The following CEP128 variants were observed in gnomAD, a reference collection of about 807,000 sequenced individuals.
CEP128 encodes the protein centrosomal protein 128, also known as centrosomal protein 128kDa.
CEP128 carries 132 observed loss-of-function variants against 156.7 expected under a neutral mutation model. That is an observed-to-expected ratio of 0.84 (90% CI 0.73 to 0.97). The LOEUF (loss-of-function observed/expected upper bound fraction) is 0.97, where lower values mean the gene tolerates loss of function less well. Ranked by LOEUF, CEP128 falls within the 50% of genes least tolerant of loss-of-function variation. The pLI, the probability that CEP128 is intolerant of heterozygous loss-of-function variation, is 0.00. For synonymous variants in CEP128, 469 were observed against 448.9 expected (o/e 1.04, Z -0.57); for missense variants, 1,252 against 1,281.9 (o/e 0.98, Z 0.36).
rs1893206370 is a variant in CEP128 at position 80,616,252 on chromosome 14, A to T, written c.2807-35829T>A. Among the ~76,000 whole-genome samples the T allele has an allele frequency of 2.0e-5, 3 of 152,252 alleles. No homozygotes were observed. The South Asian group carries it at 6.2e-4, about 31-fold the overall frequency. On this transcript the variant is annotated intron_variant, in intron 19 of 24. Coordinates refer to ENST00000555265, the MANE Select transcript of CEP128 (RefSeq NM_152446.5). Reference sequence around the variant, plus strand: ...ATAATACAAAGGAAAGATCCTTAAGAGGAATCATCATAGTGACAATGACAA... The same window carrying T: ...ATAATACAAAGGAAAGATCCTTAAGTGGAATCATCATAGTGACAATGACAA...
At chr14:80,948,453 C>T (rs1331181298) in intron 2 of CEP128, among the ~76,000 whole-genome samples, 1 of 152,126 alleles carries the variant, frequency 6.6e-6, no homozygotes, top group Admixed American at 6.5e-5. Context: ...CAAAGTGAGC[C>T]ACTATTAATG....
downstream of CEP128, among the ~76,000 whole-genome samples, chr14:80,493,881 G>A (rs912685880): frequency 3.3e-5 from 5 of 152,150 alleles, no homozygotes; most frequent in South Asian, 2.1e-4. Context: ...TAGAAGGTGC[G>A]GCTGGTTTCA....
chr14:80,872,793 T>C (rs1411682426), intron 8 of CEP128, among the ~76,000 whole-genome samples: 1 of 152,172 alleles, frequency 6.6e-6, no homozygotes, highest in Non-Finnish European at 1.5e-5. Context: ...CATCGACCAG[T>C]TATAAAACAT....
At chr14:80,855,328 A>T (rs1269199620) in intron 9 of CEP128, among the ~76,000 whole-genome samples, 1 of 151,952 alleles carries the variant, frequency 6.6e-6, no homozygotes, top group Non-Finnish European at 1.5e-5. Context: ...AATAAAGTAC[A>T]TCCTCTGAGT....
chr14:80,520,076 A>T (rs894133894), intron 23 of CEP128, among the ~76,000 whole-genome samples: 1 of 152,168 alleles, frequency 6.6e-6, no homozygotes, highest in Non-Finnish European at 1.5e-5. Flanking sequence ...TAACTATGCA[A>T]ACTATGCAAA....
intron 21 of CEP128, among the ~76,000 whole-genome samples, chr14:80,550,637 C>T (rs933137836): frequency 3.4e-4 from 52 of 151,398 alleles, no homozygotes; most frequent in African/African-American, 1.1e-3. Flanking sequence ...TATCATTTTG[C>T]CATACTTCAT....
intron 13 of CEP128, among the ~76,000 whole-genome samples, chr14:80,818,614 C>A (rs575611849): frequency 2.0e-4 from 30 of 152,332 alleles, no homozygotes; most frequent in Middle Eastern, 3.4e-3. Context: ...TTAATGATGA[C>A]CCAGGTCATG....
intron 9 of CEP128, among the ~76,000 whole-genome samples, chr14:80,857,458 C>T (rs372771721): frequency 5.3e-5 from 8 of 151,824 alleles, no homozygotes; most frequent in African/African-American, 1.5e-4. Context: ...TTAGGTCGGG[C>T]GTGGTGGCTC....
intron 19 of CEP128, among the ~76,000 whole-genome samples, chr14:80,631,127 T>C (rs181073535): frequency 6.6e-6 from 1 of 152,042 alleles, no homozygotes; most frequent in African/African-American, 2.4e-5. Context: ...TTATTCATAA[T>C]AACATGATTT....
chr14:80,797,252 T>C (rs1883544217), intron 13 of CEP128, among the ~76,000 whole-genome samples: 1 of 152,184 alleles, frequency 6.6e-6, no homozygotes, highest in South Asian at 2.1e-4. Flanking sequence ...GGCAAACTCT[T>C]TTGTTCTCAC....
chr14:80,867,024 T>C (rs1035058024), intron 8 of CEP128, among the ~76,000 whole-genome samples: 3 of 152,330 alleles, frequency 2.0e-5, no homozygotes, highest in South Asian at 2.1e-4. Flanking sequence ...AATCTCAGTA[T>C]ATATTTTTTT....
At chr14:80,617,252 A>G (rs1236749664) in intron 19 of CEP128, among the ~76,000 whole-genome samples, 2 of 14,842 alleles carry the variant, frequency 1.3e-4, no homozygotes, top group East Asian at 2.9e-3. Context: ...TTTTTTTGAG[A>G]CGGAGTGTTG....
At chr14:80,921,030 T>A (rs185659821) in intron 2 of CEP128, among the ~76,000 whole-genome samples, 3 of 152,304 alleles carry the variant, frequency 2.0e-5, no homozygotes, top group Non-Finnish European at 4.4e-5. Context: ...AATACAAGAA[T>A]GGTTAAACTA....
At chr14:80,591,528 G>A (rs1283648907) in intron 19 of CEP128, among the ~76,000 whole-genome samples, 1 of 152,102 alleles carries the variant, frequency 6.6e-6, no homozygotes, top group East Asian at 1.9e-4. Context: ...GACCTACAAA[G>A]AGACATAGAC....
At chr14:80,952,935 A>G (rs1886496153) in intron 2 of CEP128, among the ~76,000 whole-genome samples, 2 of 152,246 alleles carry the variant, frequency 1.3e-5, no homozygotes, top group Non-Finnish European at 2.9e-5. Context: ...CAAACTGCCC[A>G]GGCTACCTCA....
intron 16 of CEP128, among the ~76,000 whole-genome samples, chr14:80,764,002 C>T (rs1475535066): frequency 6.6e-6 from 1 of 152,146 alleles, no homozygotes; most frequent in Non-Finnish European, 1.5e-5. Context: ...CTAAGCAATT[C>T]AAAATAATGT....
At position 80,609,267 on chromosome 14, in the gene CEP128, C is replaced by T. The variant is rs546018009; in HGVS notation, c.2807-28844G>A. On this transcript the variant is annotated intron_variant, in intron 19 of 24. Coordinates refer to ENST00000555265, the MANE Select transcript of CEP128 (RefSeq NM_152446.5). The stretch of plus-strand genomic sequence containing the variant: ...TAATTGGGAAGGGCTAGGCATGACT[C>T]ATTTTTTTTTTCCAAAAAGTAACCT... Among the ~76,000 whole-genome samples the T allele has an allele frequency of 2.6e-5, 4 of 152,100 alleles. No homozygotes were observed. The South Asian group carries it at 8.3e-4, about 32-fold the overall frequency.
chr14:80,642,399 A>C (rs1894454991), intron 19 of CEP128, among the ~76,000 whole-genome samples: 3 of 152,212 alleles, frequency 2.0e-5, no homozygotes, highest in Admixed American at 2.0e-4. Context: ...AATGAGAGAG[A>C]CAAGGCTGGT....
intron 19 of CEP128, among the ~76,000 whole-genome samples, chr14:80,659,551 T>C (rs926016273): frequency 2.6e-5 from 4 of 152,210 alleles, no homozygotes; most frequent in Non-Finnish European, 4.4e-5. Flanking sequence ...CTGATATCTA[T>C]AACTCCGTGG....
Sources: gnomAD v4.1 joint callset for allele counts (sites outside exome capture counted in the v4.1 genomes callset) on GRCh38, gnomAD v4.1.1 for gene constraint, MANE v1.5 for transcripts, NCBI Gene and HGNC (gene_info 2026-07-23, HGNC 2026-07-21) for gene names.